Variants in CCDC144A observed in about 807,000 individuals in gnomAD.
CCDC144A encodes the protein coiled-coil domain-containing protein 144A.
Under a neutral mutation model 143.8 loss-of-function variants are expected in CCDC144A, and 41 were observed. That is an observed-to-expected ratio of 0.29 (90% CI 0.22 to 0.37). The LOEUF is 0.37. Among genes scored for constraint, CCDC144A ranks in the 10% least tolerant of loss-of-function variants. The pLI is 1.00. For missense variants in CCDC144A, 637 were observed against 1,488.8 expected (o/e 0.43, Z 9.41); for synonymous variants, 242 against 517.9 (o/e 0.47, Z 7.23).
At chr17:16,756,406 T>G in intron 12 of CCDC144A, among the ~76,000 whole-genome samples, 1 of 151,928 alleles carries the variant, frequency 6.6e-6, no homozygotes, top group South Asian at 2.1e-4. Context: ...GCCAACATTC[T>G]CAGTTGTTTT....
At chr17:16,667,524 G>T in the CCDC144A span, among the ~76,000 whole-genome samples, 2 of 152,156 alleles carry the variant, frequency 1.3e-5, no homozygotes, top group Non-Finnish European at 2.9e-5. Context: ...GGGTCCCTGC[G>T]GCTGGGTCCA....
At chr17:16,696,427 C>T (rs4079128) in intron 2 of CCDC144A, among the ~76,000 whole-genome samples, 12,222 of 150,132 alleles carry the variant, frequency 0.081, 644 homozygotes, top group Admixed American at 0.14. Context: ...GTCAGGAGAT[C>T]GAGACCATCC....
At chr17:16,740,548 T>C (rs572263414) in intron 12 of CCDC144A, among the ~76,000 whole-genome samples, 9 of 152,338 alleles carry the variant, frequency 5.9e-5, no homozygotes, top group Non-Finnish European at 1.3e-4. Flanking sequence ...AGAAGCATTT[T>C]GATACAACAT....
At chr17:16,769,707 T>C (rs1208221606) in intron 15 of CCDC144A, among the ~76,000 whole-genome samples, 1 of 152,148 alleles carries the variant, frequency 6.6e-6, no homozygotes, top group Non-Finnish European at 1.5e-5. Context: ...CCAGAAGTTA[T>C]GATATTAATT....
chr17:16,761,199 G>C (rs1915344708), intron 12 of CCDC144A, among the ~76,000 whole-genome samples: 1 of 152,108 alleles, frequency 6.6e-6, no homozygotes, highest in South Asian at 2.1e-4. Context: ...TTAGCCAGGG[G>C]TGGTGGTGGG....
chr17:16,667,347 AGCTGAGGGGCTGAGGCG>A, the CCDC144A span, among the ~76,000 whole-genome samples: 5,207 of 119,658 alleles, frequency 0.044, 122 homozygotes, highest in Middle Eastern at 0.12. Context: ...GCGGCTGAGG[AGCTGAGGGGCTGAGGCG>A]GCTGAGGGGC....
At position 16,762,367 on chromosome 17, in the gene CCDC144A, A is replaced by G. The variant is rs1915413841; in HGVS notation, c.3721A>G (p.Thr1241Ala). The G allele has an allele frequency of 1.2e-6, 2 of 1,602,074 alleles. No homozygotes were observed. The highest frequency in any genetic ancestry group is 2.3e-5 in the East Asian group (1 of 44,092). The change falls in exon 14 of 17, where the codon ACT becomes GCT. Residue 1241 changes from threonine (T) to alanine (A), a missense_variant. Thr to Ala is a moderately conservative substitution (Grantham distance 58). Transcript: ENST00000399273. ...QLVQLREDNTTSIKTQMELTI... is the reference protein window; with the variant it reads ...QLVQLREDNTASIKTQMELTI... ...AGTACAGTTAAGGGAGGATAATACTACTTCAATAAAAACTCAGATGGAACT... is the reference window on the plus strand; with the variant it reads ...AGTACAGTTAAGGGAGGATAATACTGCTTCAATAAAAACTCAGATGGAACT...
At chr17:16,717,336 T>G (rs1202814996) in intron 6 of CCDC144A, among the ~76,000 whole-genome samples, 9 of 151,806 alleles carry the variant, frequency 5.9e-5, no homozygotes, top group African/African-American at 1.9e-4. Context: ...GGTCTCGATC[T>G]ATTGACCTCA....
At chr17:16,747,740 T>C (rs537931765) in intron 12 of CCDC144A, among the ~76,000 whole-genome samples, 1 of 152,330 alleles carries the variant, frequency 6.6e-6, no homozygotes, top group African/African-American at 2.4e-5. Flanking sequence ...TTGAACTTTA[T>C]TGGTATGTAG....
intron 6 of CCDC144A, among the ~76,000 whole-genome samples, chr17:16,713,422 A>G (rs920909290): frequency 1.4e-4 from 22 of 152,158 alleles, no homozygotes; most frequent in African/African-American, 5.3e-4. Context: ...CAGTAGCTTC[A>G]TATAATTTAG....
intron 15 of CCDC144A, among the ~76,000 whole-genome samples, chr17:16,767,513 G>GGGGTGGGGTGGGTTTCT (rs1407420056): frequency 6.6e-6 from 1 of 151,570 alleles, no homozygotes; most frequent in African/African-American, 2.4e-5. Flanking sequence ...AAAAAGGTAG[G>GGGGTGGGGTGGGTTTCT]GGGTGGGGTG....
intron 8 of CCDC144A, among the ~76,000 whole-genome samples, chr17:16,726,667 A>AT (rs766590336): frequency 2.0e-4 from 31 of 151,838 alleles, no homozygotes; most frequent in Non-Finnish European, 3.8e-4. Flanking sequence ...TGTTTTTTAG[A>AT]TGTTTTTTTC....
intron 15 of CCDC144A, among the ~76,000 whole-genome samples, chr17:16,769,413 T>G (rs972325182): frequency 2.0e-5 from 3 of 152,274 alleles, no homozygotes; most frequent in African/African-American, 7.2e-5. Context: ...TGTCTTTGTA[T>G]GTACAAATTA....
At chr17:16,756,204 T>G (rs943562529) in intron 12 of CCDC144A, among the ~76,000 whole-genome samples, 31 of 152,246 alleles carry the variant, frequency 2.0e-4, no homozygotes, top group Non-Finnish European at 4.3e-4. Context: ...TTCTGTGCCT[T>G]TTCCCATCTC....
intron 12 of CCDC144A, among the ~76,000 whole-genome samples, chr17:16,760,396 TTTG>T (rs761080911): frequency 8.4e-5 from 12 of 143,368 alleles, no homozygotes; most frequent in Non-Finnish European, 1.3e-4. Flanking sequence ...AGTGCAATTT[TTTG>T]TTGTCATTCT....
intron 12 of CCDC144A, among the ~76,000 whole-genome samples, chr17:16,741,489 C>T (rs1167476695): frequency 6.6e-6 from 1 of 152,214 alleles, no homozygotes; most frequent in Admixed American, 6.5e-5. Flanking sequence ...GGTAGAGAGC[C>T]TCTTCTAACT....
chr17:16,772,064 A>G (rs768739761), intron 16 of CCDC144A, 45 bp downstream of exon 16: 8 of 1,400,074 alleles, frequency 5.7e-6, no homozygotes, highest in Non-Finnish European at 7.8e-6. Flanking sequence ...TAAGTAATAT[A>G]TATCTGAAAT....
chr17:16,706,106 C>T (rs975277039), intron 3 of CCDC144A: 9 of 151,680 alleles, frequency 5.9e-5, no homozygotes, highest in African/African-American at 2.2e-4. Flanking sequence ...CAAAAAAACA[C>T]CTTCCAAAAG....
At chr17:16,724,817 TTTTTTTG>T (rs1913304648) in intron 8 of CCDC144A, among the ~76,000 whole-genome samples, 1 of 124,702 alleles carries the variant, frequency 8.0e-6, no homozygotes, top group East Asian at 2.3e-4. Flanking sequence ...TTTTTTTTTT[TTTTTTTG>T]GTATTTTTAG....
Sources: allele counts gnomAD v4.1 joint callset (sites outside exome capture counted in the v4.1 genomes callset), GRCh38; gene constraint gnomAD v4.1.1; transcripts MANE v1.5; gene names NCBI Gene and HGNC (gene_info 2026-07-23, HGNC 2026-07-21).